The following DLGAP4 variants were observed in gnomAD, a reference collection of about 807,000 sequenced individuals.
DLGAP4 encodes DLG associated protein 4.
DLGAP4 carries 18 observed loss-of-function variants against 86.9 expected under a neutral mutation model. The observed-to-expected ratio is 0.21, with a 90% confidence interval of 0.14 to 0.31. The LOEUF is 0.31. Among genes scored for constraint, DLGAP4 ranks in the 10% least tolerant of loss-of-function variants. The probability of loss-of-function intolerance (pLI) is 1.00; values close to 1 mark genes in which losing one functional copy is unlikely to be tolerated. For missense variants in DLGAP4, 1,085 were observed against 1,362.6 expected (o/e 0.80, Z 3.21); for synonymous variants, 548 against 574.3 (o/e 0.95, Z 0.65).
At chr20:36,424,520 C>T (rs1215377060) in intron 2 of DLGAP4, among the ~76,000 whole-genome samples, 1 of 152,146 alleles carries the variant, frequency 6.6e-6, no homozygotes, top group African/African-American at 2.4e-5. Flanking sequence ...AGAGCAGCTC[C>T]TAGCGGGAAC....
At chr20:36,425,409 A>C (rs2032946840) in intron 2 of DLGAP4, among the ~76,000 whole-genome samples, 2 of 152,292 alleles carry the variant, frequency 1.3e-5, no homozygotes, top group Admixed American at 6.5e-5. Context: ...GGATGACTAT[A>C]ATTTTTTTAA....
intron 4 of DLGAP4, 29 bp downstream of exon 4, chr20:36,436,379 C>T (rs1340408141): frequency 2.6e-6 from 4 of 1,562,434 alleles, no homozygotes; most frequent in Non-Finnish European, 3.5e-6. Flanking sequence ...CCTTACGGTC[C>T]CGCCCAGAGG....
intron 10 of DLGAP4, among the ~76,000 whole-genome samples, chr20:36,518,373 A>G (rs1038128104): frequency 1.3e-5 from 2 of 152,154 alleles, no homozygotes; most frequent in African/African-American, 2.4e-5. Context: ...TCAGTCTGAC[A>G]GGGTTTGTTA....
chr20:36,470,179 G>C (rs182215561), intron 7 of DLGAP4, among the ~76,000 whole-genome samples: 1 of 151,832 alleles, frequency 6.6e-6, no homozygotes. Flanking sequence ...TTAATTTCCC[G>C]TCCTTCCTGT....
At chr20:36,317,123 G>A (rs2065107260) in intron 1 of DLGAP4, among the ~76,000 whole-genome samples, 1 of 152,102 alleles carries the variant, frequency 6.6e-6, no homozygotes, top group South Asian at 2.1e-4. Flanking sequence ...GGATAATAAT[G>A]TTAACCTCCA....
At chr20:36,455,447 C>G (rs2033855682) in intron 7 of DLGAP4, among the ~76,000 whole-genome samples, 1 of 152,210 alleles carries the variant, frequency 6.6e-6, no homozygotes. Flanking sequence ...GCTGCATTCT[C>G]TGCACCTGAG....
chr20:36,362,759 C>A (rs1179450361), intron 1 of DLGAP4, among the ~76,000 whole-genome samples: 1 of 152,104 alleles, frequency 6.6e-6, no homozygotes, highest in Non-Finnish European at 1.5e-5. Context: ...AATTACGTGG[C>A]CTGTTGTATA....
intron 2 of DLGAP4, among the ~76,000 whole-genome samples, chr20:36,425,092 T>C (rs1190675215): frequency 6.6e-6 from 1 of 151,956 alleles, no homozygotes; most frequent in East Asian, 1.9e-4. Flanking sequence ...AAAGAGCGAG[T>C]AAGTGGTCAG....
At chr20:36,335,988 G>A (rs1742812475) in intron 1 of DLGAP4, among the ~76,000 whole-genome samples, 2 of 152,142 alleles carry the variant, frequency 1.3e-5, no homozygotes, top group African/African-American at 2.4e-5. Flanking sequence ...ACAGGTTCCT[G>A]TTTCTAAGCG....
intron 3 of DLGAP4, among the ~76,000 whole-genome samples, chr20:36,434,309 A>C (rs776147615): frequency 6.6e-6 from 1 of 152,216 alleles, no homozygotes; most frequent in Non-Finnish European, 1.5e-5. Flanking sequence ...ATCATCTTAT[A>C]TGAAATTCCA....
chr20:36,452,826 CTTTTTTTTTTT>C (rs1233444372), intron 7 of DLGAP4, among the ~76,000 whole-genome samples: 1 of 90,782 alleles, frequency 1.1e-5, no homozygotes, highest in African/African-American at 4.6e-5. Flanking sequence ...TTGTGTAAGT[CTTTTTTTTTTT>C]TTTTTTTTTT....
At position 36,500,638 on chromosome 20, in the gene DLGAP4, G is replaced by A. The variant is rs1391631661; in HGVS notation, c.2512+27G>A. On this transcript the variant is annotated intron_variant, in intron 10 of 12. Coordinates refer to ENST00000339266, the MANE Select transcript of DLGAP4 (RefSeq NM_001365621.2). This position sits in a 1 kb window ranked among gnomAD's most constrained non-coding sequence, Gnocchi z 4.6. ...TGGGTGCCACATGGATGGTCCTTGG[G>A]CAAGGGTAGAAGGTGTTGGCAGCTG... 3 of 1,464,396 alleles carry A rather than the reference G, an allele frequency of 2.0e-6. No homozygotes were observed. Among genetic ancestry groups the A allele is most frequent in the Non-Finnish European group, 2.7e-6 (3 of 1,107,614 alleles). The allele number at this position is 1,464,396 out of a possible 1,614,324, so 90.7% of individuals were successfully genotyped here. A position where few individuals can be genotyped will look rare whatever the true frequency, so the allele number is the denominator to read the frequency against.
chr20:36,317,304 T>C, intron 1 of DLGAP4, among the ~76,000 whole-genome samples: 1 of 3,200 alleles, frequency 3.1e-4, no homozygotes. Flanking sequence ...TATCTTTCTT[T>C]CTTCCTTCCT....
Position 36,319,912 on chromosome 20 carries a change from A to G in DLGAP4, c.-304+13400A>G, listed in dbSNP as rs1294402627. 2.6e-5 allele frequency among the ~76,000 whole-genome samples: 4 copies of G among 151,748 alleles called. No individual in the cohort carries two copies. In the East Asian group the frequency reaches 7.7e-4, roughly 29 times the overall value. On this transcript the variant is annotated intron_variant, in intron 1 of 12. Transcript: ENST00000339266. Reference sequence around the variant, plus strand: ...TCTGTCACAGCAAGGTAGCGGGGAGAGTCTGGAATCTGAAGAACTTGGATT... The same window carrying G: ...TCTGTCACAGCAAGGTAGCGGGGAGGGTCTGGAATCTGAAGAACTTGGATT...
chr20:36,350,377 T>G lies in DLGAP4; in HGVS notation c.-303-16668T>G. Among the ~76,000 whole-genome samples the G allele has an allele frequency of 6.6e-6, 1 of 152,156 alleles. No individual in the cohort carries two copies. Among genetic ancestry groups the G allele is most frequent in the East Asian group, 1.9e-4 (1 of 5,188 alleles). On this transcript the variant is annotated intron_variant, in intron 1 of 12. Transcript: ENST00000339266. The surrounding 1 kb of genome is among the most constrained non-coding windows in gnomAD (Gnocchi z 4.4). ...GGTGGGGCAGTGGGGTCCTGTGACCTTATCCATCCACCTGGCCCTGAGGAG... is the reference window on the plus strand; with the variant it reads ...GGTGGGGCAGTGGGGTCCTGTGACCGTATCCATCCACCTGGCCCTGAGGAG...
chr20:36,507,123 TAAGAA>T (rs1569522438), intron 10 of DLGAP4, among the ~76,000 whole-genome samples: 1 of 152,180 alleles, frequency 6.6e-6, no homozygotes, highest in African/African-American at 2.4e-5. Context: ...TCCTGTCTCT[TAAGAA>T]TGATACTCTT....
intron 1 of DLGAP4, among the ~76,000 whole-genome samples, chr20:36,345,704 G>T (rs1468881811): frequency 3.9e-5 from 6 of 152,102 alleles, no homozygotes; most frequent in African/African-American, 1.4e-4. Flanking sequence ...CCACCCACCT[G>T]CCCCACTGTA....
intron 2 of DLGAP4, among the ~76,000 whole-genome samples, chr20:36,394,535 TG>T (rs2031885547): frequency 6.6e-6 from 1 of 152,192 alleles, no homozygotes; most frequent in South Asian, 2.1e-4. Context: ...CGGGGCTGTG[TG>T]GGCTGTGGTG....
At chr20:36,433,739 C>G (rs937057124) in intron 3 of DLGAP4, among the ~76,000 whole-genome samples, 1 of 151,940 alleles carries the variant, frequency 6.6e-6, no homozygotes, top group African/African-American at 2.4e-5. Context: ...GCAACCTCCG[C>G]CCCCCGGGTT....
Sources: allele counts gnomAD v4.1 joint callset (sites outside exome capture counted in the v4.1 genomes callset), GRCh38; gene constraint gnomAD v4.1.1; non-coding constraint Gnocchi (gnomAD v3.1); transcripts MANE v1.5; gene names NCBI Gene and HGNC (gene_info 2026-07-23, HGNC 2026-07-21).